Variants in ENTREP2 observed in about 807,000 individuals in gnomAD.
ENTREP2 encodes the protein endosomal transmembrane epsin interactor 2.
the ENTREP2 span, among the ~76,000 whole-genome samples, chr15:29,431,408 G>C: frequency 1.3e-5 from 2 of 151,980 alleles, no homozygotes; most frequent in Non-Finnish European, 2.9e-5. Flanking sequence ...ACAACTGTTA[G>C]ACTGCTTTGA....
the ENTREP2 span, among the ~76,000 whole-genome samples, chr15:29,667,557 G>A: frequency 2.1e-5 from 3 of 144,420 alleles, no homozygotes; most frequent in Non-Finnish European, 3.0e-5. Context: ...AATGGCGTGT[G>A]GTCTCAGCTC....
the ENTREP2 span, chr15:29,269,770 C>T: frequency 2.2e-6 from 3 of 1,379,748 alleles, no homozygotes; most frequent in Non-Finnish European, 2.8e-6. Context: ...GATTGCGGGT[C>T]GGCGACCCGC....
At chr15:29,485,090 A>G in the ENTREP2 span, among the ~76,000 whole-genome samples, 2 of 152,208 alleles carry the variant, frequency 1.3e-5, no homozygotes, top group African/African-American at 4.8e-5. Flanking sequence ...CAGAGTAGGC[A>G]GCTCCAAGGG....
At chr15:29,293,147 G>A in the ENTREP2 span, among the ~76,000 whole-genome samples, 1 of 152,210 alleles carries the variant, frequency 6.6e-6, no homozygotes, top group Non-Finnish European at 1.5e-5. Context: ...AGGCTCCGGA[G>A]GAGGACAGAA....
chr15:29,174,562 G>A, the ENTREP2 span, among the ~76,000 whole-genome samples: 3 of 152,126 alleles, frequency 2.0e-5, no homozygotes, highest in African/African-American at 4.8e-5. Flanking sequence ...GGTGGCGGGC[G>A]CCTGTATTCC....
At chr15:29,634,557 G>A in the ENTREP2 span, among the ~76,000 whole-genome samples, 35 of 152,308 alleles carry the variant, frequency 2.3e-4, 1 homozygote, top group South Asian at 7.1e-3. Flanking sequence ...ACAAGCAATC[G>A]GTTCTGCAGT....
At chr15:29,585,936 T>G in the ENTREP2 span, among the ~76,000 whole-genome samples, 2 of 151,948 alleles carry the variant, frequency 1.3e-5, no homozygotes, top group African/African-American at 4.8e-5. Context: ...AAACTTTGAT[T>G]TACCATATGA....
At chr15:29,534,721 G>A in the ENTREP2 span, among the ~76,000 whole-genome samples, 1 of 152,156 alleles carries the variant, frequency 6.6e-6, no homozygotes, top group South Asian at 2.1e-4. Flanking sequence ...GAGGCATCAT[G>A]GAATGGACCC....
At chr15:29,194,347 G>A in the ENTREP2 span, among the ~76,000 whole-genome samples, 3 of 152,194 alleles carry the variant, frequency 2.0e-5, no homozygotes, top group Non-Finnish European at 4.4e-5. Flanking sequence ...GCCACTTCCA[G>A]ACCATTGGCC....
the ENTREP2 span, chr15:29,374,047 G>A: frequency 6.7e-6 from 1 of 150,230 alleles, no homozygotes; most frequent in Non-Finnish European, 1.5e-5. Flanking sequence ...TGGGATCTGG[G>A]ATGATTTTTA....
the ENTREP2 span, among the ~76,000 whole-genome samples, chr15:29,276,756 A>G: frequency 6.6e-6 from 1 of 152,232 alleles, no homozygotes; most frequent in African/African-American, 2.4e-5. Flanking sequence ...CTTTTGCTTA[A>G]TCTGCTTTGA....
At chr15:29,384,024 C>G in the ENTREP2 span, among the ~76,000 whole-genome samples, 1 of 152,178 alleles carries the variant, frequency 6.6e-6, no homozygotes, top group Non-Finnish European at 1.5e-5. Flanking sequence ...TCGTGTCTCT[C>G]AGGGGCTGTG....
At chr15:29,416,294 C>A in the ENTREP2 span, among the ~76,000 whole-genome samples, 2 of 152,150 alleles carry the variant, frequency 1.3e-5, no homozygotes, top group African/African-American at 4.8e-5. Context: ...GGTACCAAAA[C>A]AGAGATATAG....
At chr15:29,136,536 G>A in the ENTREP2 span, 56 of 1,540,310 alleles carry the variant, frequency 3.6e-5, no homozygotes, top group Middle Eastern at 1.7e-4. Context: ...GTCATTGCCC[G>A]AAGGAGGAGG....
chr15:29,584,929 A>G, the ENTREP2 span, among the ~76,000 whole-genome samples: 1 of 152,218 alleles, frequency 6.6e-6, no homozygotes, highest in Non-Finnish European at 1.5e-5. Context: ...TATCTTAAAT[A>G]TATACAATTT....
chr15:29,517,241 T>C, the ENTREP2 span, among the ~76,000 whole-genome samples: 2 of 152,132 alleles, frequency 1.3e-5, no homozygotes, highest in East Asian at 3.8e-4. Context: ...AATGATAATA[T>C]TAGTGTGCCA....
the ENTREP2 span, among the ~76,000 whole-genome samples, chr15:29,345,775 G>A: frequency 2.0e-5 from 3 of 152,000 alleles, no homozygotes; most frequent in Non-Finnish European, 4.4e-5. Context: ...GAGCTGTTAG[G>A]AATGCAAAGA....
chr15:29,393,572 A>G, the ENTREP2 span, among the ~76,000 whole-genome samples: 3 of 152,150 alleles, frequency 2.0e-5, no homozygotes, highest in Non-Finnish European at 4.4e-5. Flanking sequence ...ATGATCTGCA[A>G]TGCATCAAGG....
the ENTREP2 span, among the ~76,000 whole-genome samples, chr15:29,149,912 C>G: frequency 6.6e-6 from 1 of 152,188 alleles, no homozygotes; most frequent in Non-Finnish European, 1.5e-5. Context: ...GGGTGTGAGG[C>G]AAACTCACCC....
Sources: allele counts gnomAD v4.1 joint callset (sites outside exome capture counted in the v4.1 genomes callset), GRCh38; gene constraint gnomAD v4.1.1; transcripts MANE v1.5; gene names NCBI Gene and HGNC (gene_info 2026-07-23, HGNC 2026-07-21).